Variants in WASHC4 observed in about 807,000 individuals in gnomAD.
WASHC4 encodes the protein WASH complex subunit 7.
In WASHC4, 86 loss-of-function variants were observed where a neutral mutation model predicts 166.6. The ratio of observed to expected loss-of-function variants is 0.52; its 90% confidence interval spans 0.43 to 0.62. The LOEUF (loss-of-function observed/expected upper bound fraction) is 0.62. Among genes scored for constraint, WASHC4 ranks in the 20% least tolerant of loss-of-function variants. The pLI is 0.00. For synonymous variants in WASHC4, 446 were observed against 451.6 expected (o/e 0.99, Z 0.16); for missense variants, 1,262 against 1,382.4 (o/e 0.91, Z 1.38).
At chr12:105,109,102 C>T (rs1469462702) in intron 1 of WASHC4, among the ~76,000 whole-genome samples, 4 of 152,166 alleles carry the variant, frequency 2.6e-5, no homozygotes, top group African/African-American at 7.2e-5. Flanking sequence ...CGCCATTGCA[C>T]TCTAGCCTGG....
At chr12:105,133,555 T>C (rs1269648474) in intron 13 of WASHC4, among the ~76,000 whole-genome samples, 2 of 152,226 alleles carry the variant, frequency 1.3e-5, no homozygotes, top group Non-Finnish European at 2.9e-5. Context: ...TTTTATTTAC[T>C]GCTGATTTCA....
At chr12:105,144,606 A>C (rs1883144257) in intron 21 of WASHC4, 112 bp from the exon 22 acceptor site, 1 of 1,149,978 alleles carries the variant, frequency 8.7e-7, no homozygotes, top group Non-Finnish European at 1.2e-6. Context: ...TTAATACCTT[A>C]TTTTAAAGGA....
At chr12:105,157,427 A>G (rs1411321335) in intron 28 of WASHC4, 105 bp downstream of exon 28, 8 of 667,044 alleles carry the variant, frequency 1.2e-5, no homozygotes, top group Non-Finnish European at 2.1e-5. Flanking sequence ...TTATTATACA[A>G]AATTATGGCC....
intron 12 of WASHC4, among the ~76,000 whole-genome samples, chr12:105,126,811 A>C (rs1196823): frequency 1.9e-4 from 29 of 151,582 alleles, no homozygotes; most frequent in Non-Finnish European, 3.2e-4. Context: ...TATGTACTTA[A>C]ATAGAATGAA....
Position 105,164,221 on chromosome 12 carries a change from C to A in WASHC4, c.3268C>A (p.Gln1090Lys), listed in dbSNP as rs1884669041. The change falls in exon 31 of 33, where the codon CAA (glutamine) becomes AAA (lysine). Residue 1090 changes from glutamine to lysine, a missense_variant. Transcript: ENST00000332180. Reference protein sequence around the residue: ...YLKEIRAVAKQQNVQSASQDE... With the variant: ...YLKEIRAVAKKQNVQSASQDE... ...GAAGGAGATAAGAGCAGTTGCTAAG[C>A]AACAGAATGTACAGTCAGCCAGTCA... 1 of 1,613,980 alleles carries A rather than the reference C, an allele frequency of 6.2e-7. No individual in the cohort carries two copies. Among genetic ancestry groups the A allele is most frequent in the Non-Finnish European group, 8.5e-7 (1 of 1,179,918 alleles).
intron 20 of WASHC4, 51 bp from the exon 21 acceptor site, chr12:105,144,236 C>A: frequency 1.4e-6 from 2 of 1,453,112 alleles, no homozygotes; most frequent in Non-Finnish European, 1.9e-6. Context: ...GGAAACAATA[C>A]AATTGCAATA....
rs765089763 is a variant in WASHC4 at position 105,144,372 on chromosome 12, C to T, written c.2096C>T (p.Pro699Leu). Residue 699 changes from proline (P) to leucine (L), a missense_variant, in exon 21 of 33, where the codon CCT becomes CTT. Pro to Leu is a moderately conservative substitution (Grantham distance 98, BLOSUM62 -3). Transcript: ENST00000332180. ...CATTTAAAGCTGGATGACCGAAACCCTTTCAAAGTTGGCATGAAAGACCTG... is the reference window on the plus strand; with the variant it reads ...CATTTAAAGCTGGATGACCGAAACCTTTTCAAAGTTGGCATGAAAGACCTG... ...HTHLKLDDRNPFKVGMKDLAL... is the reference protein window; with the variant it reads ...HTHLKLDDRNLFKVGMKDLAL... The T allele has an allele frequency of 1.2e-6, 2 of 1,613,530 alleles. No homozygotes were observed. Among genetic ancestry groups the T allele is most frequent in the South Asian group, 2.2e-5 (2 of 91,052 alleles).
intron 32 of WASHC4, among the ~76,000 whole-genome samples, chr12:105,165,295 T>C (rs1330568427): frequency 6.6e-6 from 1 of 152,226 alleles, no homozygotes; most frequent in African/African-American, 2.4e-5. Context: ...TCCATTGTAT[T>C]CTATGTAGGA....
chr12:105,154,105 A>G (rs1241517747), intron 26 of WASHC4, among the ~76,000 whole-genome samples: 1 of 149,972 alleles, frequency 6.7e-6, no homozygotes, highest in Non-Finnish European at 1.5e-5. Flanking sequence ...TTCTCAGCTC[A>G]CTGCAACCTG....
intron 24 of WASHC4, chr12:105,147,973 A>G (rs1883451236): frequency 5.1e-6 from 5 of 985,142 alleles, no homozygotes; most frequent in South Asian, 4.7e-5. Context: ...CTCGTATGCT[A>G]TTTTTCTGTC....
chr12:105,157,635 A>G (rs1406076433), intron 28 of WASHC4, among the ~76,000 whole-genome samples: 1 of 152,188 alleles, frequency 6.6e-6, no homozygotes, highest in Non-Finnish European at 1.5e-5. Context: ...AGGAATGCCA[A>G]ATACCTCAAT....
At chr12:105,129,231 A>T (rs564056098) in intron 13 of WASHC4, among the ~76,000 whole-genome samples, 1 of 152,012 alleles carries the variant, frequency 6.6e-6, no homozygotes, top group Non-Finnish European at 1.5e-5. Context: ...GGCGTGAGCC[A>T]CCGCGCCAAC....
At chr12:105,161,332 T>C (rs1220848718) in intron 29 of WASHC4, among the ~76,000 whole-genome samples, 1 of 152,238 alleles carries the variant, frequency 6.6e-6, no homozygotes, top group East Asian at 1.9e-4. Flanking sequence ...AACTATGATA[T>C]AGCAAAAAAT....
chr12:105,111,031 C>A, intron 1 of WASHC4, 94 bp from the exon 2 acceptor site: 1 of 877,520 alleles, frequency 1.1e-6, no homozygotes, highest in Non-Finnish European at 1.9e-6. Flanking sequence ...TAATAATTAA[C>A]AGTGCTTTGC....
intron 9 of WASHC4, 140 bp from the exon 10 acceptor site, chr12:105,121,978 A>G: frequency 1.6e-6 from 1 of 620,264 alleles, no homozygotes; most frequent in Non-Finnish European, 2.8e-6. Flanking sequence ...ATCTATTAGG[A>G]TTGTTGTGTT....
At chr12:105,129,379 A>C (rs1196820) in intron 13 of WASHC4, among the ~76,000 whole-genome samples, 133,380 of 152,304 alleles carry the variant, frequency 0.88, 58,723 homozygotes, top group East Asian at 1. Context: ...CCATCACACC[A>C]GGCCTCTTTT....
intron 10 of WASHC4, among the ~76,000 whole-genome samples, chr12:105,123,552 A>G (rs1207169641): frequency 3.3e-5 from 5 of 152,258 alleles, no homozygotes; most frequent in Non-Finnish European, 5.9e-5. Context: ...GCAAGGCTGT[A>G]ACTCTCTTTA....
chr12:105,114,191 A>G (rs772127512), intron 2 of WASHC4, 25 bp from the exon 3 acceptor site: 1 of 1,595,892 alleles, frequency 6.3e-7, no homozygotes, highest in Non-Finnish European at 8.6e-7. Context: ...ATTAAAAGAA[A>G]TGTTCTTTTC....
intron 28 of WASHC4, among the ~76,000 whole-genome samples, chr12:105,158,377 T>A (rs956799758): frequency 6.6e-6 from 1 of 152,212 alleles, no homozygotes; most frequent in Non-Finnish European, 1.5e-5. Context: ...AAACTTAGCA[T>A]CACCAGTAAT....
Sources: gnomAD v4.1 joint callset for allele counts (sites outside exome capture counted in the v4.1 genomes callset) on GRCh38, gnomAD v4.1.1 for gene constraint, MANE v1.5 for transcripts, NCBI Gene and HGNC (gene_info 2026-07-23, HGNC 2026-07-21) for gene names.